The following FRMD3 variants were observed in gnomAD, a reference collection of about 807,000 sequenced individuals.
FRMD3 encodes the protein FERM domain-containing protein 3.
In FRMD3, 33 loss-of-function variants were observed where a neutral mutation model predicts 70.2. The observed-to-expected ratio is 0.47, with a 90% CI of 0.36 to 0.63. The LOEUF (loss-of-function observed/expected upper bound fraction) is 0.63. Among genes scored for constraint, FRMD3 ranks in the 20% least tolerant of loss-of-function variants. The pLI, the probability that FRMD3 is intolerant of heterozygous loss-of-function variation, is 0.00. For synonymous variants in FRMD3, 279 were observed against 255.9 expected (o/e 1.09, Z -0.86); for missense variants, 632 against 711.4 (o/e 0.89, Z 1.27).
intron 12 of FRMD3, among the ~76,000 whole-genome samples, chr9:83,293,805 C>T (rs1320470974): frequency 6.6e-6 from 1 of 152,202 alleles, no homozygotes; most frequent in African/African-American, 2.4e-5. Context: ...CAGGTGACTC[C>T]TGCAGTGGAT....
chr9:83,264,905 C>T (rs1262261228), intron 13 of FRMD3, among the ~76,000 whole-genome samples: 3 of 151,616 alleles, frequency 2.0e-5, no homozygotes, highest in South Asian at 2.1e-4. Context: ...TTAGATACCA[C>T]GTGAAATTGC....
intron 1 of FRMD3, among the ~76,000 whole-genome samples, chr9:83,486,099 C>A (rs1828684204): frequency 6.6e-6 from 1 of 151,886 alleles, no homozygotes; most frequent in South Asian, 2.1e-4. Flanking sequence ...AGAATTAATA[C>A]CTCCTTGCTC....
intron 13 of FRMD3, among the ~76,000 whole-genome samples, chr9:83,252,622 C>A (rs1030381213): frequency 6.6e-6 from 1 of 152,018 alleles, no homozygotes; most frequent in Admixed American, 6.6e-5. Flanking sequence ...TTCAAGAGAC[C>A]CATCTCACGT....
rs554279583 is a variant in FRMD3 at position 83,354,416 on chromosome 9, C to T, written c.296-4659G>A. Among the ~76,000 whole-genome samples the T allele has an allele frequency of 5.6e-4, 86 of 152,318 alleles. 1 individual carries two copies. Among genetic ancestry groups the T allele is most frequent in the Admixed American group, 4.1e-3 (63 of 15,298 alleles). ...TAACACAGGAGCAGAAAAACAAACA[C>T]TGCATGTTCTCACTTAGAAGTGGGA... On this transcript the variant is annotated intron_variant, in intron 3 of 13. Transcript: ENST00000304195.
At chr9:83,580,107 CT>C in the FRMD3 span, among the ~76,000 whole-genome samples, 1 of 151,962 alleles carries the variant, frequency 6.6e-6, no homozygotes, top group Non-Finnish European at 1.5e-5. Context: ...GTTAGAATGG[CT>C]TTTATCAAAA....
chr9:83,556,220 A>C, the FRMD3 span, among the ~76,000 whole-genome samples: 1 of 152,252 alleles, frequency 6.6e-6, no homozygotes, highest in Non-Finnish European at 1.5e-5. Flanking sequence ...AACAAAGAAA[A>C]ATGGTTTATT....
chr9:83,498,023 C>T (rs1282316168), intron 1 of FRMD3, among the ~76,000 whole-genome samples: 1 of 152,136 alleles, frequency 6.6e-6, no homozygotes, highest in Admixed American at 6.5e-5. Context: ...TGGTGGGCAC[C>T]TGTAATCCCA....
In FRMD3 at chr9:83,343,202, A is replaced by G. The variant is rs1297156262; in HGVS notation, c.460T>C (p.Cys154Arg). Reference sequence around the variant, plus strand: ...TGGCCAGACTTACCTTGAACAATACAGGCACCCAGGTAGGCAGCATCAGAA... The same window carrying G: ...TGGCCAGACTTACCTTGAACAATACGGGCACCCAGGTAGGCAGCATCAGAA... ...SFSDAAYLGA[C>R]IVQAELGDYD... is the part of the protein sequence containing the mutation. The change falls in exon 5 of 14, where the codon TGT (cysteine) becomes CGT (arginine). Residue 154 changes from cysteine to arginine, a missense_variant. This residue lies in a region of FRMD3 where 208 missense variants were observed against 247.7 expected (regional missense o/e 0.84). Coordinates refer to ENST00000304195, the MANE Select transcript of FRMD3 (RefSeq NM_174938.6). The G allele has an allele frequency of 1.9e-6, 3 of 1,612,734 alleles. No individual in the cohort carries two copies. The highest frequency in any genetic ancestry group is 8.5e-7 in the Non-Finnish European group (1 of 1,178,870).
the FRMD3 span, among the ~76,000 whole-genome samples, chr9:83,562,858 A>G: frequency 9.9e-5 from 15 of 152,148 alleles, no homozygotes; most frequent in South Asian, 1.7e-3. Context: ...AAGTTCCTTG[A>G]GGACAGAAAC....
At chr9:83,427,979 CA>C (rs1826860732) in intron 1 of FRMD3, among the ~76,000 whole-genome samples, 1 of 152,212 alleles carries the variant, frequency 6.6e-6, no homozygotes, top group African/African-American at 2.4e-5. Flanking sequence ...GTTTAGAAAA[CA>C]ACTTGTCATT....
rs559132246 is a variant in FRMD3 at position 83,333,054 on chromosome 9, G to T, written c.596+2462C>A. 2.4e-4 allele frequency among the ~76,000 whole-genome samples: 37 copies of T among 152,326 alleles called. No individual in the cohort carries two copies. In the East Asian group the frequency reaches 6.4e-3, roughly 26 times the overall value. On this transcript the variant is annotated intron_variant, in intron 6 of 13. Transcript: ENST00000304195. ...AGAGCACCTTCAGTCCCTGTAGCAG[G>T]TTTCCCAACAGACGCAAGAAAGCTC...
At chr9:83,456,121 T>C (rs994906935) in intron 1 of FRMD3, among the ~76,000 whole-genome samples, 3 of 152,334 alleles carry the variant, frequency 2.0e-5, no homozygotes, top group African/African-American at 7.2e-5. Context: ...TCCAGAAATA[T>C]TCCACATAGA....
intron 1 of FRMD3, among the ~76,000 whole-genome samples, chr9:83,522,651 C>T (rs1051424218): frequency 6.6e-6 from 1 of 150,530 alleles, no homozygotes; most frequent in African/African-American, 2.4e-5. Context: ...GCAAGCTCCG[C>T]CTCCCAGGTT....
chr9:83,244,982 A>G lies in FRMD3; in HGVS notation c.*2936T>C, dbSNP rs1297209931. Reference sequence around the variant, plus strand: ...ATGTATTTGCCATATGTGTGTGTGTATTATATATATTTATTTATATCCACA... The same window carrying G: ...ATGTATTTGCCATATGTGTGTGTGTGTTATATATATTTATTTATATCCACA... On this transcript the variant is annotated 3_prime_UTR_variant, in exon 14 of 14. Transcript: ENST00000304195. 1.0e-6 allele frequency: 1 copy of G among 979,232 alleles called. No individual in the cohort carries two copies. The highest frequency in any genetic ancestry group is 1.2e-6 in the Non-Finnish European group (1 of 824,508). 60.7% of individuals were successfully genotyped at this position (979,232 alleles called of 1,614,324 possible).
intron 1 of FRMD3, among the ~76,000 whole-genome samples, chr9:83,467,352 G>A (rs763288088): frequency 1.2e-4 from 19 of 152,106 alleles, no homozygotes; most frequent in Non-Finnish European, 2.2e-4. Flanking sequence ...ATTACCAAAG[G>A]GATTTGGAGA....
intron 3 of FRMD3, among the ~76,000 whole-genome samples, chr9:83,357,245 ACATATATATATATATATAT>A (rs1824404758): frequency 0.011 from 71 of 6,494 alleles, 5 homozygotes; most frequent in African/African-American, 0.031. Context: ...TATAATACAT[ACATATATATATATATATAT>A]ATATATATAT....
chr9:83,522,260 C>G (rs1829586617), intron 1 of FRMD3, among the ~76,000 whole-genome samples: 1 of 152,176 alleles, frequency 6.6e-6, no homozygotes, highest in African/African-American at 2.4e-5. Flanking sequence ...GGTTGCACAA[C>G]AATGTGATTT....
chr9:83,547,832 T>C, the FRMD3 span, among the ~76,000 whole-genome samples: 8 of 152,190 alleles, frequency 5.3e-5, no homozygotes, highest in Admixed American at 1.3e-4. Context: ...CAAAATTATA[T>C]CACTTCTCAG....
At chr9:83,576,659 A>G in the FRMD3 span, among the ~76,000 whole-genome samples, 24 of 152,152 alleles carry the variant, frequency 1.6e-4, no homozygotes, top group African/African-American at 5.8e-4. Context: ...TTAATAGTAA[A>G]AGATTAAATA....
Sources: gnomAD v4.1 joint callset for allele counts (sites outside exome capture counted in the v4.1 genomes callset) on GRCh38, gnomAD v4.1.1 for gene constraint, gnomAD v4.1.1 regional missense constraint, MANE v1.5 for transcripts, NCBI Gene and HGNC (gene_info 2026-07-23, HGNC 2026-07-21) for gene names.